The following PARVB variants were observed in gnomAD, a reference collection of about 807,000 sequenced individuals.
PARVB encodes the protein beta-parvin.
A neutral mutation model predicts 47.0 loss-of-function variants in PARVB; 46 were observed. The observed-to-expected ratio is 0.98, with a 90% CI of 0.77 to 1.25. The LOEUF is 1.25. PARVB is among the 50% of genes most tolerant of loss of function. The pLI is 0.00. For synonymous variants in PARVB, 196 were observed against 196.3 expected, an observed-to-expected ratio of 1.00 and a Z score of 0.01; for missense variants, 473 against 471.6, an observed-to-expected ratio of 1.00 and a Z score of -0.03.
intron 8 of PARVB, chr22:44,146,267 GC>G (rs2053670564): frequency 1.5e-5 from 2 of 133,736 alleles, no homozygotes; most frequent in South Asian, 5.7e-4. Flanking sequence ...CACGCTCACA[GC>G]ACACACACAT....
chr22:44,037,398 G>A (rs1191128225), intron 1 of PARVB, among the ~76,000 whole-genome samples: 3 of 152,148 alleles, frequency 2.0e-5, no homozygotes, highest in East Asian at 3.8e-4. Flanking sequence ...GCTCCAGCCT[G>A]GATGACAGAC....
chr22:44,002,825 C>T lies in PARVB; in HGVS notation c.211+3152C>T, dbSNP rs370288578. ...AAAAATGCTTTGCCCGAAAGTGGGGCGAATGGTAATCACAGACACACACGT... is the reference window on the plus strand; with the variant it reads ...AAAAATGCTTTGCCCGAAAGTGGGGTGAATGGTAATCACAGACACACACGT... On this transcript the variant is annotated intron_variant, in intron 2 of 13. Coordinates refer to the PARVB transcript ENST00000406477. Among the ~76,000 whole-genome samples the T allele has an allele frequency of 2.4e-4, 37 of 151,806 alleles. No individual in the cohort carries two copies. In the South Asian group the frequency reaches 5.8e-3, roughly 24 times the overall value.
At chr22:44,138,443 G>C (rs1415645148) in intron 7 of PARVB, among the ~76,000 whole-genome samples, 1 of 152,192 alleles carries the variant, frequency 6.6e-6, no homozygotes, top group Admixed American at 6.5e-5. Context: ...GGGTAAAGGA[G>C]AGGCTGGGTC....
At chr22:44,119,664 A>T (rs888965837) in intron 4 of PARVB, 1 of 443,266 alleles carries the variant, frequency 2.3e-6, no homozygotes, top group East Asian at 7.1e-5. Flanking sequence ...TTGTTTATTC[A>T]TCAGATGTTG....
At chr22:44,044,864 G>A (rs1388126546) in intron 1 of PARVB, among the ~76,000 whole-genome samples, 1 of 152,160 alleles carries the variant, frequency 6.6e-6, no homozygotes, top group Non-Finnish European at 1.5e-5. Flanking sequence ...CCCAGTTCAA[G>A]CATACATTTA....
rs566259056 is a variant in PARVB at position 44,047,896 on chromosome 22, C to A, written c.112+23445C>A. Among the ~76,000 whole-genome samples, 137 of 152,314 alleles carry A rather than the reference C, an allele frequency of 9.0e-4. 1 individual carries two copies. Among genetic ancestry groups the A allele is most frequent in the Non-Finnish European group, 1.6e-3 (108 of 68,014 alleles). On this transcript the variant is annotated intron_variant, in intron 1 of 12. Coordinates refer to ENST00000338758, the MANE Select transcript of PARVB (RefSeq NM_013327.5). ...GGATGGCCTCACATCCCTTCAGCAT[C>A]TTGGGGGTGGGCGGTGCCTCCCCTC... is the stretch of plus-strand genomic sequence containing the variant.
intron 2 of PARVB, among the ~76,000 whole-genome samples, chr22:44,013,891 C>A (rs2050550267): frequency 6.6e-6 from 1 of 152,134 alleles, no homozygotes; most frequent in African/African-American, 2.4e-5. Flanking sequence ...CCTCGGCCTC[C>A]CAACGTGCTG....
intron 1 of PARVB, among the ~76,000 whole-genome samples, chr22:44,053,774 T>C (rs1005446116): frequency 2.0e-5 from 3 of 152,206 alleles, no homozygotes; most frequent in African/African-American, 7.2e-5. Flanking sequence ...CTCACAGAAC[T>C]CGGGGAAACA....
intron 1 of PARVB, among the ~76,000 whole-genome samples, chr22:44,037,022 G>C (rs2050934441): frequency 6.7e-6 from 1 of 149,966 alleles, no homozygotes; most frequent in African/African-American, 2.5e-5. Context: ...GAGAAGTGAG[G>C]GTAAAAGTTA....
intron 1 of PARVB, among the ~76,000 whole-genome samples, chr22:44,027,074 T>G (rs1324419167): frequency 3.3e-5 from 5 of 151,554 alleles, no homozygotes; most frequent in African/African-American, 9.7e-5. Flanking sequence ...GCGTGTCACG[T>G]GGTGGCCTGG....
Position 44,103,483 on chromosome 22 carries a change from C to T in PARVB, c.273+3360C>T, listed in dbSNP as rs1471263362. On this transcript the variant is annotated intron_variant, in intron 3 of 12. Transcript: ENST00000338758. The surrounding 1 kb of genome is among the most constrained non-coding windows in gnomAD (Gnocchi z 4.6). ...CCCCAAACCCCTGCCAAAGAAAAGG[C>T]ATCAGCAGTGAGCTTTGTCCTGGCT... 1 of 152,218 alleles carries T rather than the reference C, an allele frequency of 6.6e-6. No individual in the cohort carries two copies. The highest frequency in any genetic ancestry group is 2.4e-5 in the African/African-American group (1 of 41,438). The allele number at this position is 152,218 out of a possible 1,614,324, so 9.4% of individuals were successfully genotyped here. A position where few individuals can be genotyped will look rare whatever the true frequency, so the allele number is the denominator to read the frequency against.
chr22:43,999,695 G>A (rs1265913384), intron 2 of PARVB: 1 of 1,571,976 alleles, frequency 6.4e-7, no homozygotes, highest in Non-Finnish European at 8.8e-7. Context: ...GGGAAAAACT[G>A]TCAGAAAGTG....
intron 4 of PARVB, chr22:44,119,817 C>G (rs369502314): frequency 3.8e-6 from 2 of 532,654 alleles, no homozygotes; most frequent in East Asian, 5.4e-5. Context: ...GTGATGAGGG[C>G]CTTCGGAGAT....
chr22:44,140,432 C>G, intron 8 of PARVB: 1 of 705,200 alleles, frequency 1.4e-6, no homozygotes, highest in Non-Finnish European at 2.6e-6. Context: ...CTGGCTGGAA[C>G]TGTCAGGGGC....
intron 3 of PARVB, chr22:44,111,432 C>CTTTTTTTTTTTTTTTT (rs10527330): frequency 1.7e-5 from 1 of 59,234 alleles, no homozygotes; most frequent in African/African-American, 7.2e-5. Flanking sequence ...CCTGCAAAAC[C>CTTTTTTTTTTTTTTTT]TTTTTTTTTT....
rs2053086138 is a variant in PARVB, at chr22:44,122,554, CACAGAGACAGAGAGAG to C, written c.376+3416_376+3431del. Among the ~76,000 whole-genome samples the C allele has an allele frequency of 1.7e-4, 9 of 54,012 alleles. 1 individual carries two copies. Among genetic ancestry groups the C allele is most frequent in the South Asian group, 7.8e-4 (1 of 1,284 alleles). 35.4% of individuals were successfully genotyped at this position (54,012 alleles called of 152,430 possible). ...AGAGAGAGAGAGAGAGAGAGAGAGA[CACAGAGACAGAGAGAG>C]AGAGAGAGAGAGAGAGAGAGAGAGA... On this transcript the variant is annotated intron_variant, in intron 4 of 12. Transcript: ENST00000338758.
chr22:44,013,702 G>C (rs930532733), intron 2 of PARVB, among the ~76,000 whole-genome samples: 1 of 151,488 alleles, frequency 6.6e-6, no homozygotes, highest in African/African-American at 2.4e-5. Context: ...GTGCGATCTC[G>C]GCTCACTGCA....
chr22:44,074,798 C>CA (rs2051730965), intron 1 of PARVB, among the ~76,000 whole-genome samples: 1 of 152,344 alleles, frequency 6.6e-6, no homozygotes, highest in African/African-American at 2.4e-5. Context: ...GGTGTGCCAG[C>CA]ACGCAGTGCA....
intron 3 of PARVB, chr22:44,110,765 A>T (rs1268809139): frequency 6.6e-6 from 1 of 151,924 alleles, no homozygotes; most frequent in African/African-American, 2.4e-5. Context: ...ATGCCCAGCT[A>T]ATTTTTGTAT....
Sources: allele counts gnomAD v4.1 joint callset (sites outside exome capture counted in the v4.1 genomes callset), GRCh38; gene constraint gnomAD v4.1.1; non-coding constraint Gnocchi (gnomAD v3.1); transcripts MANE v1.5; gene names NCBI Gene and HGNC (gene_info 2026-07-23, HGNC 2026-07-21).